Variants in EPHA6 observed in about 807,000 individuals in gnomAD.
EPHA6 encodes the protein EPH receptor A6, also known as ephrin type-A receptor 6.
A neutral mutation model predicts 112.0 loss-of-function variants in EPHA6; 50 were observed. The ratio of observed to expected loss-of-function variants is 0.45; its 90% confidence interval spans 0.36 to 0.56. The LOEUF is 0.56. EPHA6 is among the 20% of genes least tolerant of loss of function. The probability of loss-of-function intolerance (pLI) is 0.00; values close to 1 mark genes in which losing one functional copy is unlikely to be tolerated. For missense variants in EPHA6, 1,280 were observed against 1,417.4 expected, an observed-to-expected ratio of 0.90 and a Z score of 1.56; for synonymous variants, 529 against 490.7, an observed-to-expected ratio of 1.08 and a Z score of -1.03.
intron 10 of EPHA6, among the ~76,000 whole-genome samples, chr3:97,531,055 T>A (rs1577680492): frequency 6.6e-6 from 1 of 152,166 alleles, no homozygotes; most frequent in Middle Eastern, 3.4e-3. Flanking sequence ...ATTTCTTTCA[T>A]CCTTCCAAAG....
intron 5 of EPHA6, among the ~76,000 whole-genome samples, chr3:97,314,296 C>T (rs1479645196): frequency 2.6e-5 from 4 of 151,406 alleles, no homozygotes; most frequent in Admixed American, 1.3e-4. Context: ...TCAGGGAGTG[C>T]AGTGTTTTCA....
intron 3 of EPHA6, among the ~76,000 whole-genome samples, chr3:97,178,206 C>G (rs1221796670): frequency 1.3e-5 from 2 of 151,990 alleles, no homozygotes; most frequent in Non-Finnish European, 2.9e-5. Flanking sequence ...CATAAACAAA[C>G]AAACACAAAG....
At chr3:96,971,078 T>A (rs2042301295) in intron 2 of EPHA6, among the ~76,000 whole-genome samples, 1 of 152,118 alleles carries the variant, frequency 6.6e-6, no homozygotes, top group South Asian at 2.1e-4. Context: ...ATATTTGCAA[T>A]ATTTTATTTA....
At chr3:97,575,878 A>G (rs2093379098) in intron 11 of EPHA6, among the ~76,000 whole-genome samples, 1 of 152,204 alleles carries the variant, frequency 6.6e-6, no homozygotes, top group Non-Finnish European at 1.5e-5. Flanking sequence ...GTGTAATTGT[A>G]GTGAAGATAG....
intron 2 of EPHA6, among the ~76,000 whole-genome samples, chr3:96,979,177 T>G (rs968379165): frequency 4.6e-5 from 7 of 152,056 alleles, no homozygotes; most frequent in African/African-American, 1.7e-4. Flanking sequence ...TCATTTACAT[T>G]GGGTATATCT....
intron 3 of EPHA6, among the ~76,000 whole-genome samples, chr3:97,079,900 GT>G (rs112472814): frequency 0.13 from 18,525 of 137,462 alleles, 3,616 homozygotes; most frequent in African/African-American, 0.44. Flanking sequence ...TGATTGTTAG[GT>G]TTTTTTTTTT....
chr3:97,100,909 A>C (rs1000152712), intron 3 of EPHA6, among the ~76,000 whole-genome samples: 4 of 152,060 alleles, frequency 2.6e-5, no homozygotes, highest in Non-Finnish European at 5.9e-5. Context: ...AAATAATCAT[A>C]AATGAGAATA....
At chr3:97,098,327 C>T (rs2047304800) in intron 3 of EPHA6, among the ~76,000 whole-genome samples, 1 of 151,760 alleles carries the variant, frequency 6.6e-6, no homozygotes, top group African/African-American at 2.4e-5. Flanking sequence ...AAATTATTTG[C>T]ATATTATTCA....
At chr3:96,996,831 A>G (rs1261404830) in intron 3 of EPHA6, among the ~76,000 whole-genome samples, 1 of 152,100 alleles carries the variant, frequency 6.6e-6, no homozygotes, top group Non-Finnish European at 1.5e-5. Context: ...TAAACTCACA[A>G]GCTGCATTAG....
chr3:97,472,639 T>G (rs1205825116), intron 7 of EPHA6, among the ~76,000 whole-genome samples: 1 of 151,786 alleles, frequency 6.6e-6, no homozygotes, highest in Non-Finnish European at 1.5e-5. Context: ...CTCCTGAGTG[T>G]TTTTATTTCC....
chr3:97,730,101 C>CT (rs1351752775), intron 15 of EPHA6, among the ~76,000 whole-genome samples: 8 of 152,082 alleles, frequency 5.3e-5, no homozygotes, highest in Non-Finnish European at 7.4e-5. Flanking sequence ...CCTGCACAGT[C>CT]TAAGCAGTCC....
At chr3:96,985,653 A>G (rs1226328681) in intron 2 of EPHA6, among the ~76,000 whole-genome samples, 1 of 152,182 alleles carries the variant, frequency 6.6e-6, no homozygotes, top group East Asian at 1.9e-4. Context: ...AAAGGAACTC[A>G]TTGTTTTCTC....
intron 2 of EPHA6, among the ~76,000 whole-genome samples, chr3:96,969,781 T>C (rs2042248633): frequency 6.6e-6 from 1 of 152,014 alleles, no homozygotes; most frequent in South Asian, 2.1e-4. Context: ...TAGTATACAT[T>C]GAGTGGTTTT....
intron 2 of EPHA6, among the ~76,000 whole-genome samples, chr3:96,929,326 G>T (rs918008033): frequency 6.6e-6 from 1 of 152,210 alleles, no homozygotes; most frequent in Non-Finnish European, 1.5e-5. Flanking sequence ...GCTTCAGAGT[G>T]TTGCTGCTTT....
intron 3 of EPHA6, among the ~76,000 whole-genome samples, chr3:97,097,086 T>C (rs2047262372): frequency 6.6e-6 from 1 of 151,540 alleles, no homozygotes; most frequent in African/African-American, 2.4e-5. Context: ...TATGATATTA[T>C]GAAAAAAAGA....
In EPHA6 at chr3:97,371,086, CTT is replaced by C. The variant is rs10707071; in HGVS notation, c.1607-34051_1607-34050del. ...TGTTTAATTAGTGCAAGAAGATCCA[CTT>C]TTTTTTTTTTTTGAGGGATTCATTG... On this transcript the variant is annotated intron_variant, in intron 5 of 17. Transcript: ENST00000389672. Among the ~76,000 whole-genome samples, 278 of 145,856 alleles carry C rather than the reference CTT, an allele frequency of 1.9e-3. 2 individuals are homozygous for C. In the South Asian group the frequency reaches 0.019, roughly 10 times the overall value.
chr3:96,946,748 A>G (rs2041285146), intron 2 of EPHA6, among the ~76,000 whole-genome samples: 2 of 152,342 alleles, frequency 1.3e-5, no homozygotes, highest in South Asian at 4.1e-4. Context: ...AGGAATCGCC[A>G]CACTGACTTC....
chr3:97,234,227 T>C (rs1467409327), intron 4 of EPHA6, among the ~76,000 whole-genome samples: 2 of 152,118 alleles, frequency 1.3e-5, no homozygotes, highest in Non-Finnish European at 2.9e-5. Context: ...CTGTTGGGCC[T>C]AGCTGGTTTT....
intron 5 of EPHA6, among the ~76,000 whole-genome samples, chr3:97,259,803 C>CT (rs67059864): frequency 0.081 from 11,253 of 138,592 alleles, 822 homozygotes; most frequent in Admixed American, 0.22. Flanking sequence ...GAAAGTATAC[C>CT]TTTTTTTTTT....
Sources: allele counts gnomAD v4.1 joint callset (sites outside exome capture counted in the v4.1 genomes callset), GRCh38; gene constraint gnomAD v4.1.1; transcripts MANE v1.5; gene names NCBI Gene and HGNC (gene_info 2026-07-23, HGNC 2026-07-21).